ADGRV1: variants seen among roughly 807,000 people sequenced by gnomAD.
ADGRV1 encodes the protein adhesion G protein-coupled receptor V1.
In ADGRV1, 359 loss-of-function variants were observed where a neutral mutation model predicts 596.2. The observed-to-expected ratio is 0.60, with a 90% CI of 0.55 to 0.66. The LOEUF (loss-of-function observed/expected upper bound fraction) is 0.66. Among genes scored for constraint, ADGRV1 ranks in the 30% least tolerant of loss-of-function variants. ADGRV1 has a pLI of 0.00. For synonymous variants in ADGRV1, 2,681 were observed against 2,679.2 expected (o/e 1.00, Z -0.02); for missense variants, 7,274 against 7,575.6 (o/e 0.96, Z 1.48).
chr5:91,011,586 A>G (rs1369668085), intron 85 of ADGRV1, among the ~76,000 whole-genome samples: 1 of 152,018 alleles, frequency 6.6e-6, no homozygotes, highest in African/African-American at 2.4e-5. Context: ...ATATTAATAC[A>G]TTGTGTATAT....
chr5:90,988,165 T>G (rs1308344909), intron 85 of ADGRV1, among the ~76,000 whole-genome samples: 1 of 152,234 alleles, frequency 6.6e-6, no homozygotes, highest in Non-Finnish European at 1.5e-5. Context: ...TCAACAGCTT[T>G]ACAGTGCCTT....
rs1750985834 is a variant in ADGRV1 at position 90,721,542 on chromosome 5, A to AAAAT, written c.9748+487_9748+490dup. 2.0e-4 allele frequency among the ~76,000 whole-genome samples: 4 copies of AAAAT among 20,250 alleles called. 1 individual carries two copies. In the African/African-American group the frequency reaches 2.6e-3, roughly 13 times the overall value. 13.3% of individuals were successfully genotyped at this position (20,250 alleles called of 152,430 possible). A position where few individuals can be genotyped will look rare whatever the true frequency, so the allele number is the denominator to read the frequency against. ...AATAAAATAAAAATAAAAATAAAAT[A>AAAAT]AAATAAAATAAAATAAAATAAAATA... On this transcript the variant is annotated intron_variant, in intron 45 of 89. Transcript: ENST00000405460.
chr5:91,091,164 C>G (rs538020483), intron 86 of ADGRV1, among the ~76,000 whole-genome samples: 1 of 152,248 alleles, frequency 6.6e-6, no homozygotes, highest in Non-Finnish European at 1.5e-5. Context: ...CTCCCTCCCT[C>G]TCTTTTTCCC....
At chr5:91,093,851 G>GTTTTTT (rs376638151) in intron 86 of ADGRV1, among the ~76,000 whole-genome samples, 1 of 132,296 alleles carries the variant, frequency 7.6e-6, no homozygotes, top group Non-Finnish European at 1.6e-5. Context: ...ACATACGTAA[G>GTTTTTT]TTTTTTTTTT....
At chr5:91,053,947 A>C (rs1002535950) in intron 85 of ADGRV1, among the ~76,000 whole-genome samples, 2 of 152,204 alleles carry the variant, frequency 1.3e-5, no homozygotes, top group African/African-American at 4.8e-5. Context: ...AATAGCAGTC[A>C]TGTAGAAGTC....
intron 9 of ADGRV1, 110 bp downstream of exon 9, chr5:90,629,649 A>AT: frequency 1.2e-6 from 1 of 808,562 alleles, no homozygotes; most frequent in Non-Finnish European, 1.9e-6. Context: ...GCCGTCATTT[A>AT]TATGTTGTTA....
chr5:91,041,099 A>T (rs1462294550), intron 85 of ADGRV1, among the ~76,000 whole-genome samples: 1 of 152,220 alleles, frequency 6.6e-6, no homozygotes, highest in Non-Finnish European at 1.5e-5. Context: ...AGGATCTAGA[A>T]CTAGAAATAC....
Position 90,683,680 on chromosome 5 carries a change from T to A in ADGRV1, c.5759T>A (p.Ile1920Asn). Residue 1920 changes from isoleucine to asparagine, a missense_variant, in exon 28 of 90, where the codon ATC (isoleucine) becomes AAC (asparagine). This residue lies in a region of ADGRV1 where 3,643 missense variants were observed against 3,809.2 expected (regional missense o/e 0.96). Coordinates refer to ENST00000405460, the MANE Select transcript of ADGRV1 (RefSeq NM_032119.4). Reference sequence around the variant, plus strand: ...GATCTCGCCTTCACCTCTGGCAACATCACATTTGAGATTGGGCAGACGAGC... The same window carrying A: ...GATCTCGCCTTCACCTCTGGCAACAACACATTTGAGATTGGGCAGACGAGC... ...DGDLAFTSGN[I>N]TFEIGQTSAN... 2 of 1,613,792 alleles carry A rather than the reference T, an allele frequency of 1.2e-6. No homozygotes were observed. Among genetic ancestry groups the A allele is most frequent in the Non-Finnish European group, 1.7e-6 (2 of 1,179,814 alleles).
chr5:90,840,808 T>C lies in ADGRV1; in HGVS notation c.16842T>C (p.Thr5614=). 1 of 1,613,948 alleles carries C rather than the reference T, an allele frequency of 6.2e-7. No homozygotes were observed. Among genetic ancestry groups the C allele is most frequent in the Non-Finnish European group, 8.5e-7 (1 of 1,179,850 alleles). Residue 5614 remains threonine (T), a synonymous_variant, in exon 78 of 90, where the codon ACT becomes ACC. Coordinates refer to ENST00000405460, the MANE Select transcript of ADGRV1 (RefSeq NM_032119.4). The part of the protein sequence containing the change: ...GGARIDKVYG[T]ANITLVSDAD... ...CCAGAATTGATAAAGTGTATGGGAC[T>C]GCCAACATCACTCTTGTCTCAGATG... is the stretch of plus-strand genomic sequence containing the variant.
intron 87 of ADGRV1, among the ~76,000 whole-genome samples, chr5:91,145,530 T>G (rs780396036): frequency 3.9e-5 from 6 of 152,200 alleles, no homozygotes; most frequent in Non-Finnish European, 8.8e-5. Context: ...AAGAAAAATT[T>G]TGGATGTGTG....
At chr5:90,651,989 C>A (rs1768698542) in intron 18 of ADGRV1, among the ~76,000 whole-genome samples, 1 of 150,828 alleles carries the variant, frequency 6.6e-6, no homozygotes. Flanking sequence ...GACTGAGAAA[C>A]TTGAATTATT....
rs146740052 is a variant in ADGRV1, at chr5:90,651,251, A to G, written c.3290-353A>G. ...AAGAAATTTGAAAATAGAAGAAATT[A>G]TGTTTTTAATTTCTAATTAAGCTAT... On this transcript the variant is annotated intron_variant, in intron 17 of 89. Transcript: ENST00000405460. Among the ~76,000 whole-genome samples the G allele has an allele frequency of 3.5e-3, 534 of 152,284 alleles. 2 individuals are homozygous for G. The highest frequency in any genetic ancestry group is 0.011 in the African/African-American group (476 of 41,578).
Position 91,109,893 on chromosome 5 carries a change from G to GACGT in ADGRV1, c.18432+7554_18432+7557dup, listed in dbSNP as rs529681297. On this transcript the variant is annotated intron_variant, in intron 87 of 89. Coordinates refer to ENST00000405460, the MANE Select transcript of ADGRV1 (RefSeq NM_032119.4). Reference sequence around the variant, plus strand: ...CAGTGCTTGGCAGGCCAAAGTAACAGACGTCCACTATACTTACTTTCTAAA... The same window carrying GACGT: ...CAGTGCTTGGCAGGCCAAAGTAACAGACGTACGTCCACTATACTTACTTTCTAAA... Among the ~76,000 whole-genome samples, 299 of 152,298 alleles carry GACGT rather than the reference G, an allele frequency of 2.0e-3. 1 individual carries two copies. Among genetic ancestry groups the GACGT allele is most frequent in the African/African-American group, 6.6e-3 (274 of 41,564 alleles).
intron 42 of ADGRV1, among the ~76,000 whole-genome samples, chr5:90,715,655 C>CT (rs33954808): frequency 0.057 from 8,492 of 148,514 alleles, 341 homozygotes; most frequent in South Asian, 0.13. Context: ...GTCTACTTTT[C>CT]TTTTTTTTTT....
chr5:90,784,504 C>G (rs534544030), intron 67 of ADGRV1, among the ~76,000 whole-genome samples: 1 of 152,008 alleles, frequency 6.6e-6, no homozygotes, highest in African/African-American at 2.4e-5. Flanking sequence ...GACACAATTG[C>G]GAGTGCTGTT....
intron 1 of ADGRV1, among the ~76,000 whole-genome samples, chr5:90,597,079 T>C (rs1256989621): frequency 6.6e-6 from 1 of 152,234 alleles, no homozygotes; most frequent in Non-Finnish European, 1.5e-5. Context: ...AGTTTTGGTT[T>C]GATACATGTT....
At chr5:90,709,397 G>A (rs2222242) in intron 39 of ADGRV1, among the ~76,000 whole-genome samples, 98,432 of 152,038 alleles carry the variant, frequency 0.65, 32,128 homozygotes, top group East Asian at 0.81. Context: ...TAAAACCTGA[G>A]CCTTGGTACA....
chr5:90,730,093 C>T (rs2149822168), intron 50 of ADGRV1, among the ~76,000 whole-genome samples: 1 of 152,256 alleles, frequency 6.6e-6, no homozygotes, highest in African/African-American at 2.4e-5. Context: ...GTCTTGATCT[C>T]CTGACCTTGT....
At chr5:90,773,921 G>T (rs1223353481) in intron 59 of ADGRV1, among the ~76,000 whole-genome samples, 3 of 152,118 alleles carry the variant, frequency 2.0e-5, no homozygotes, top group Admixed American at 1.3e-4. Context: ...TTTCTTTAAA[G>T]ATTGGATTTT....
Sources: allele counts gnomAD v4.1 joint callset (sites outside exome capture counted in the v4.1 genomes callset), GRCh38; gene constraint gnomAD v4.1.1; regional missense constraint gnomAD v4.1.1; transcripts MANE v1.5; gene names NCBI Gene and HGNC (gene_info 2026-07-23, HGNC 2026-07-21).